B3GALT1: variants seen among roughly 807,000 people sequenced by gnomAD.
B3GALT1 encodes UDP-Gal:betaGlcNAc beta 1,3-galactosyltransferase, polypeptide 1.
A neutral mutation model predicts 23.2 loss-of-function variants in B3GALT1; 10 were observed. That is an observed-to-expected ratio of 0.43 (90% CI 0.27 to 0.73). The LOEUF is 0.73. Ranked by LOEUF, B3GALT1 falls within the 30% of genes least tolerant of loss-of-function variation. The pLI, the probability that B3GALT1 is intolerant of heterozygous loss-of-function variation, is 0.21. For synonymous variants in B3GALT1, 156 were observed against 141.5 expected (o/e 1.10, Z -0.73); for missense variants, 299 against 405.4 (o/e 0.74, Z 2.25).
At chr2:167,352,396 G>C (rs1372612010) in intron 1 of B3GALT1, among the ~76,000 whole-genome samples, 1 of 151,342 alleles carries the variant, frequency 6.6e-6, no homozygotes, top group Non-Finnish European at 1.5e-5. Context: ...GTTTGTGTAA[G>C]TATATTGGGA....
At chr2:167,487,277 T>C (rs1191902332) in intron 1 of B3GALT1, among the ~76,000 whole-genome samples, 1 of 152,202 alleles carries the variant, frequency 6.6e-6, no homozygotes, top group East Asian at 1.9e-4. Flanking sequence ...GGTCAGAGAC[T>C]GGGAAGGTAA....
intron 1 of B3GALT1, among the ~76,000 whole-genome samples, chr2:167,438,762 A>G (rs911240527): frequency 6.6e-6 from 1 of 152,174 alleles, no homozygotes; most frequent in African/African-American, 2.4e-5. Context: ...CCAGCTTACA[A>G]CTCTTTCAGT....
chr2:167,809,410 T>C (rs1175439566), intron 3 of B3GALT1, among the ~76,000 whole-genome samples: 1 of 152,188 alleles, frequency 6.6e-6, no homozygotes, highest in Admixed American at 6.5e-5. Flanking sequence ...CCTATCTTTG[T>C]GGTTTTATCT....
chr2:167,367,176 G>T (rs1166681154), intron 1 of B3GALT1, among the ~76,000 whole-genome samples: 1 of 152,082 alleles, frequency 6.6e-6, no homozygotes, highest in Admixed American at 6.5e-5. Context: ...AACAAGTCAC[G>T]TATTTACAAA....
intron 2 of B3GALT1, among the ~76,000 whole-genome samples, chr2:167,517,239 T>C (rs373031949): frequency 2.1e-4 from 32 of 151,832 alleles, no homozygotes; most frequent in African/African-American, 7.5e-4. Context: ...TTTCAGTGCA[T>C]CTAGAAAGAA....
At chr2:167,420,696 A>T (rs557130522) in intron 1 of B3GALT1, among the ~76,000 whole-genome samples, 1 of 152,218 alleles carries the variant, frequency 6.6e-6, no homozygotes, top group Admixed American at 6.5e-5. Context: ...CTTGGAAACT[A>T]TATGAACCAT....
chr2:167,725,850 G>T (rs1208282071), intron 3 of B3GALT1, among the ~76,000 whole-genome samples: 1 of 152,156 alleles, frequency 6.6e-6, no homozygotes, highest in Non-Finnish European at 1.5e-5. Context: ...CTCTAAGAAG[G>T]AAGGGTAACC....
chr2:167,631,902 A>G (rs903594087), intron 2 of B3GALT1, among the ~76,000 whole-genome samples: 1 of 151,048 alleles, frequency 6.6e-6, no homozygotes, highest in Non-Finnish European at 1.5e-5. Flanking sequence ...GCACCCATCA[A>G]CTCAGCTACA....
chr2:167,636,861 G>A (rs1685565386), intron 2 of B3GALT1, among the ~76,000 whole-genome samples: 1 of 152,064 alleles, frequency 6.6e-6, no homozygotes, highest in Non-Finnish European at 1.5e-5. Context: ...GGGAGGGAAA[G>A]CATTAGGAGA....
chr2:167,806,845 G>A (rs1457457446), intron 3 of B3GALT1, among the ~76,000 whole-genome samples: 1 of 152,136 alleles, frequency 6.6e-6, no homozygotes, highest in Non-Finnish European at 1.5e-5. Context: ...GAGTTAAGGA[G>A]GATTCCCTCT....
chr2:167,830,483 TACTTCAA>T (rs1311446472), intron 4 of B3GALT1, among the ~76,000 whole-genome samples: 1 of 152,236 alleles, frequency 6.6e-6, no homozygotes, highest in Non-Finnish European at 1.5e-5. Flanking sequence ...TACATTAATT[TACTTCAA>T]ACTTGTCCAC....
At position 167,302,682 on chromosome 2, in the gene B3GALT1, C is replaced by T. The variant is rs551300337; in HGVS notation, c.-511+9348C>T. ...AAATAATTGCATGTGTTTGTATATA[C>T]GTGTATCTTATCAGTTGTCCTAATT... On this transcript the variant is annotated intron_variant, in intron 1 of 4. Coordinates refer to ENST00000392690, the MANE Select transcript of B3GALT1 (RefSeq NM_020981.4). Among the ~76,000 whole-genome samples the T allele has an allele frequency of 3.3e-4, 50 of 152,148 alleles. 1 individual carries two copies. The highest frequency in any genetic ancestry group is 1.1e-3 in the African/African-American group (46 of 41,544).
intron 2 of B3GALT1, among the ~76,000 whole-genome samples, chr2:167,533,193 T>G (rs1454021008): frequency 6.6e-6 from 1 of 152,032 alleles, no homozygotes; most frequent in African/African-American, 2.4e-5. Context: ...TGCCCTTAAT[T>G]TTTTCACTTG....
intron 3 of B3GALT1, among the ~76,000 whole-genome samples, chr2:167,723,709 T>C (rs1558959939): frequency 6.6e-6 from 1 of 152,078 alleles, no homozygotes; most frequent in Non-Finnish European, 1.5e-5. Flanking sequence ...TTTTGTATTT[T>C]TAGTAGAGAC....
intron 3 of B3GALT1, among the ~76,000 whole-genome samples, chr2:167,791,769 T>C (rs1389125492): frequency 6.6e-6 from 1 of 152,176 alleles, no homozygotes; most frequent in Non-Finnish European, 1.5e-5. Flanking sequence ...TTGTATTTTC[T>C]CCTTGTAAAC....
At chr2:167,321,162 CA>C (rs1177716149) in intron 1 of B3GALT1, among the ~76,000 whole-genome samples, 1 of 151,848 alleles carries the variant, frequency 6.6e-6, no homozygotes, top group African/African-American at 2.4e-5. Flanking sequence ...TATGACCCCC[CA>C]ATCTATTAAT....
intron 1 of B3GALT1, among the ~76,000 whole-genome samples, chr2:167,444,179 G>A (rs1427857669): frequency 6.6e-6 from 1 of 152,154 alleles, no homozygotes; most frequent in Non-Finnish European, 1.5e-5. Flanking sequence ...TTATTGATTT[G>A]CATATTTTGA....
At chr2:167,834,775 G>A (rs968139956) in intron 4 of B3GALT1, among the ~76,000 whole-genome samples, 3 of 152,002 alleles carry the variant, frequency 2.0e-5, no homozygotes, top group Non-Finnish European at 2.9e-5. Flanking sequence ...CTTGAACCTA[G>A]GAGGTGGAGG....
At chr2:167,816,707 G>A (rs943432066) in intron 3 of B3GALT1, among the ~76,000 whole-genome samples, 6 of 152,204 alleles carry the variant, frequency 3.9e-5, no homozygotes, top group Admixed American at 6.5e-5. Context: ...TAAAAATATC[G>A]TAGAGTAAAA....
Sources: allele counts gnomAD v4.1 joint callset (sites outside exome capture counted in the v4.1 genomes callset), GRCh38; gene constraint gnomAD v4.1.1; transcripts MANE v1.5; gene names NCBI Gene and HGNC (gene_info 2026-07-23, HGNC 2026-07-21).